G2E3: variants seen among roughly 807,000 people sequenced by gnomAD.
G2E3 encodes G2/M-phase specific E3 ubiquitin protein ligase, also known as G2/M phase-specific E3 ubiquitin-protein ligase.
A neutral mutation model predicts 92.8 loss-of-function variants in G2E3; 35 were observed. The observed-to-expected ratio is 0.38, with a 90% CI of 0.29 to 0.50. G2E3 has a LOEUF of 0.50. Ranked by LOEUF, G2E3 falls within the 20% of genes least tolerant of loss-of-function variation. G2E3 has a pLI of 0.94. For missense variants in G2E3, 554 were observed against 823.8 expected (o/e 0.67, Z 4.01); for synonymous variants, 242 against 272.4 (o/e 0.89, Z 1.10).
intron 2 of G2E3, among the ~76,000 whole-genome samples, chr14:30,583,131 T>C (rs1338873720): frequency 6.6e-6 from 1 of 152,220 alleles, no homozygotes; most frequent in Non-Finnish European, 1.5e-5. Context: ...CATTTAGAGA[T>C]GCAAGCACCC....
chr14:30,588,340 G>C (rs558447119), intron 3 of G2E3, among the ~76,000 whole-genome samples: 1 of 145,354 alleles, frequency 6.9e-6, no homozygotes, highest in Non-Finnish European at 1.5e-5. Context: ...GCCATTTTAT[G>C]TGTCTGCAGG....
intron 1 of G2E3, among the ~76,000 whole-genome samples, chr14:30,565,650 C>CTTTTTTTTTTTTT (rs537643569): frequency 3.2e-5 from 2 of 62,230 alleles, no homozygotes. Context: ...AACTTCATTC[C>CTTTTTTTTTTTTT]TTTTTTTTTT....
At chr14:30,584,367 G>A (rs1488780804) in intron 2 of G2E3, among the ~76,000 whole-genome samples, 1 of 152,168 alleles carries the variant, frequency 6.6e-6, no homozygotes, top group Non-Finnish European at 1.5e-5. Context: ...GTGAACATCT[G>A]TTTTCAGTTC....
Position 30,617,835 on chromosome 14 carries a change from T to G in G2E3, c.*1301T>G, listed in dbSNP as rs1234509212. On this transcript the variant is annotated 3_prime_UTR_variant, in exon 15 of 15. Coordinates refer to ENST00000206595, the MANE Select transcript of G2E3 (RefSeq NM_017769.5). ...TAGTCCCATAGTCATGTCCCCATAT[T>G]TATACTCCCACAGAAGAAAAAATTG... is the stretch of plus-strand genomic sequence containing the variant. 6.6e-6 allele frequency: 1 copy of G among 152,048 alleles called. No individual in the cohort carries two copies. Among genetic ancestry groups the G allele is most frequent in the Non-Finnish European group, 1.5e-5 (1 of 67,938 alleles). 9.4% of individuals were successfully genotyped at this position (152,048 alleles called of 1,614,324 possible).
At position 30,612,259 on chromosome 14, in the gene G2E3, A is replaced by C. The variant is rs773921960; in HGVS notation, c.1553A>C (p.Tyr518Ser). 1.2e-6 allele frequency: 2 copies of C among 1,609,290 alleles called. No individual in the cohort carries two copies. The highest frequency in any genetic ancestry group is 1.7e-5 in the Admixed American group (1 of 59,914). Residue 518 changes from tyrosine (Y) to serine (S), a missense_variant, in exon 13 of 15, where the codon TAT (tyrosine) becomes TCT (serine). Around this residue, in one of 3 missense-constraint regions of G2E3, gnomAD observed 397 missense variants for 560.3 expected, o/e 0.71. Coordinates refer to ENST00000206595, the MANE Select transcript of G2E3 (RefSeq NM_017769.5). ...ADLKSIINECYNYLELIGCLR... is the reference protein window; with the variant it reads ...ADLKSIINECSNYLELIGCLR... ...TTAAAGTCAATAATAAATGAATGCT[A>C]TAACTACCTTGAGTTAATTGGATGT...
intron 12 of G2E3, among the ~76,000 whole-genome samples, chr14:30,610,527 C>T (rs753274414): frequency 9.2e-5 from 14 of 152,056 alleles, no homozygotes; most frequent in African/African-American, 3.1e-4. Context: ...CGCTTGAGCC[C>T]GGGAGGCAGA....
intron 10 of G2E3, among the ~76,000 whole-genome samples, chr14:30,602,497 A>C (rs946006883): frequency 1.3e-5 from 2 of 152,226 alleles, no homozygotes; most frequent in Non-Finnish European, 2.9e-5. Context: ...ACTGGTCTGG[A>C]AAATGTACTT....
intron 3 of G2E3, among the ~76,000 whole-genome samples, chr14:30,587,742 A>G (rs1163662467): frequency 2.6e-5 from 4 of 152,102 alleles, no homozygotes; most frequent in Admixed American, 6.6e-5. Flanking sequence ...AAATAAGGCT[A>G]CTCGTGGCAT....
At chr14:30,585,701 C>A (rs1286899772) in intron 2 of G2E3, among the ~76,000 whole-genome samples, 1 of 146,644 alleles carries the variant, frequency 6.8e-6, no homozygotes, top group Non-Finnish European at 1.5e-5. Context: ...TTGATTATAT[C>A]TACTCTAATC....
chr14:30,598,442 T>C, intron 7 of G2E3, 41 bp from the exon 8 acceptor site: 1 of 1,222,526 alleles, frequency 8.2e-7, no homozygotes, highest in Non-Finnish European at 1.2e-6. Flanking sequence ...TTATGTAACA[T>C]TATTTATAGG....
Position 30,597,452 on chromosome 14 carries a change from T to C in G2E3, c.561T>C (p.Phe187=), listed in dbSNP as rs1881344739. 1.3e-6 allele frequency: 2 copies of C among 1,595,216 alleles called. No homozygotes were observed. The highest frequency in any genetic ancestry group is 1.7e-6 in the Non-Finnish European group (2 of 1,162,946). The change falls in exon 7 of 15, where the codon TTT becomes TTC. Residue 187 remains phenylalanine (F), a synonymous_variant. Coordinates refer to ENST00000206595, the MANE Select transcript of G2E3 (RefSeq NM_017769.5). ...CAATAAATGCGGGAGTGTTTTTCTT[T>C]AGGTGTACAATATGCAATAATAGTG... ...VQAINAGVFF[F]RCTICNNSDI...
At chr14:30,594,744 AAC>A (rs1433879408) in intron 6 of G2E3, among the ~76,000 whole-genome samples, 3 of 151,988 alleles carry the variant, frequency 2.0e-5, no homozygotes, top group Non-Finnish European at 2.9e-5. Context: ...TAAAAATACT[AAC>A]AGTACTAAAA....
chr14:30,584,086 A>G (rs1880577167), intron 2 of G2E3, among the ~76,000 whole-genome samples: 1 of 152,120 alleles, frequency 6.6e-6, no homozygotes, highest in Non-Finnish European at 1.5e-5. Context: ...GGATTTACTT[A>G]TGTTGGATAA....
intron 1 of G2E3, among the ~76,000 whole-genome samples, chr14:30,573,185 A>C (rs943800519): frequency 4.6e-5 from 7 of 151,976 alleles, no homozygotes; most frequent in Admixed American, 3.3e-4. Context: ...TAAATAATTG[A>C]TTCATGAAAA....
rs933293946 is a variant in G2E3 at position 30,619,113 on chromosome 14, A to G, written c.*2579A>G. On this transcript the variant is annotated 3_prime_UTR_variant, in exon 15 of 15. Transcript: ENST00000206595. ...TATACAATTCTCTACTATTCAAGAT[A>G]TTCTTTAAAATATCTCACCAGAAAC... 1 of 152,086 alleles carries G rather than the reference A, an allele frequency of 6.6e-6. No homozygotes were observed. The highest frequency in any genetic ancestry group is 2.4e-5 in the African/African-American group (1 of 41,450). 9.4% of individuals were successfully genotyped at this position (152,086 alleles called of 1,614,324 possible).
chr14:30,571,443 A>G (rs1427331188), intron 1 of G2E3, among the ~76,000 whole-genome samples: 1 of 151,812 alleles, frequency 6.6e-6, no homozygotes, highest in African/African-American at 2.4e-5. Flanking sequence ...TTTTTTGATT[A>G]GAAAGTTCTT....
intron 10 of G2E3, 97 bp downstream of exon 10, chr14:30,602,228 G>A: frequency 1.1e-6 from 1 of 917,448 alleles, no homozygotes; most frequent in Non-Finnish European, 1.6e-6. Flanking sequence ...TGATCATACA[G>A]TAGTCTAGAA....
rs191061105 is a variant in G2E3 at position 30,567,437 on chromosome 14, T to C, written c.-5+8165T>C. ...TTTGTTAACTTTTAACTTCTTAGAGTACAATTGTTCATAATAGTCTCATTT... is the reference window on the plus strand; with the variant it reads ...TTTGTTAACTTTTAACTTCTTAGAGCACAATTGTTCATAATAGTCTCATTT... On this transcript the variant is annotated intron_variant, in intron 1 of 14. Transcript: ENST00000206595. Among the ~76,000 whole-genome samples the C allele has an allele frequency of 1.2e-4, 19 of 152,252 alleles. No individual in the cohort carries two copies. The East Asian group carries it at 3.7e-3, about 29-fold the overall frequency.
In G2E3 at chr14:30,586,750, C is replaced by A; in HGVS notation, c.70C>A (p.Pro24Thr). 1 of 1,432,132 alleles carries A rather than the reference C, an allele frequency of 7.0e-7. No individual in the cohort carries two copies. The highest frequency in any genetic ancestry group is 9.5e-7 in the Non-Finnish European group (1 of 1,047,812). 88.7% of individuals were successfully genotyped at this position (1,432,132 alleles called of 1,614,324 possible). Residue 24 changes from proline to threonine, a missense_variant, in exon 3 of 15, where the codon CCT (proline) becomes ACT (threonine). Transcript: ENST00000206595. ...TTTCTGTCGAAAACATGATGACTGT[C>A]CTAATAAATACGGAGAAAAGAAAAC... ...CVFCRKHDDC[P>T]NKYGEKKTKE... is the part of the protein sequence containing the mutation.
Sources: gnomAD v4.1 joint callset for allele counts (sites outside exome capture counted in the v4.1 genomes callset) on GRCh38, gnomAD v4.1.1 for gene constraint, gnomAD v4.1.1 regional missense constraint, MANE v1.5 for transcripts, NCBI Gene and HGNC (gene_info 2026-07-23, HGNC 2026-07-21) for gene names.